The following XIRP2 variants were observed in gnomAD, a reference collection of about 807,000 sequenced individuals.
XIRP2 encodes xin actin binding repeat containing 2.
Under a neutral mutation model 277.0 loss-of-function variants are expected in XIRP2, and 236 were observed. That is an observed-to-expected ratio of 0.85 (90% CI 0.77 to 0.95). The LOEUF (loss-of-function observed/expected upper bound fraction) is 0.95, where lower values mean the gene tolerates loss of function less well. Among genes scored for constraint, XIRP2 ranks in the 40% least tolerant of loss-of-function variants. The probability of loss-of-function intolerance (pLI) is 0.00; values close to 1 mark genes in which losing one functional copy is unlikely to be tolerated. For synonymous variants in XIRP2, 1,490 were observed against 1,416.5 expected (o/e 1.05, Z -1.17); for missense variants, 4,640 against 4,157.5 (o/e 1.12, Z -3.19).
chr2:167,000,872 A>G lies in XIRP2; in HGVS notation c.408+96982A>G, dbSNP rs16852839. On this transcript the variant is annotated intron_variant, in intron 2 of 10. Transcript: ENST00000409195. ...ATCTTATTCAAATAATGGAAATAGT[A>G]AAGAATACAATGGATATAAGAAAGT... 6.1e-3 allele frequency among the ~76,000 whole-genome samples: 923 copies of G among 152,244 alleles called. 11 individuals carry two copies. Among genetic ancestry groups the G allele is most frequent in the African/African-American group, 0.021 (875 of 41,538 alleles).
rs1490404562 is a variant in XIRP2 at position 167,134,205 on chromosome 2, ATATT to A, written c.409-1703_409-1700del. 2.6e-5 allele frequency among the ~76,000 whole-genome samples: 4 copies of A among 151,244 alleles called. No homozygotes were observed. In the East Asian group the frequency reaches 7.7e-4, roughly 29 times the overall value. ...TGAATATATTCATATATATGAATAT[ATATT>A]CATGTATATTCATGTGTATATGTAT... On this transcript the variant is annotated intron_variant, in intron 2 of 10. Transcript: ENST00000409195.
chr2:167,149,062 G>C (rs1691941325), intron 3 of XIRP2, among the ~76,000 whole-genome samples: 2 of 152,066 alleles, frequency 1.3e-5, no homozygotes, highest in South Asian at 4.1e-4. Context: ...ACACATAGGA[G>C]TGAAAGGCTA....
chr2:166,940,097 AT>A (rs1294008167), intron 2 of XIRP2, among the ~76,000 whole-genome samples: 1 of 151,896 alleles, frequency 6.6e-6, no homozygotes, highest in Non-Finnish European at 1.5e-5. Flanking sequence ...TCAGACTTAG[AT>A]TTTTTCTTTC....
intron 2 of XIRP2, among the ~76,000 whole-genome samples, chr2:167,015,203 A>G (rs1012549361): frequency 3.3e-5 from 5 of 151,850 alleles, no homozygotes; most frequent in Non-Finnish European, 4.4e-5. Flanking sequence ...CTTATAATTG[A>G]TACTATGGCA....
At chr2:166,976,844 T>C (rs1252032278) in intron 2 of XIRP2, among the ~76,000 whole-genome samples, 1 of 152,206 alleles carries the variant, frequency 6.6e-6, no homozygotes, top group African/African-American at 2.4e-5. Context: ...GACTTAAGTT[T>C]CCATATGCTA....
At chr2:167,119,327 T>C (rs1447061366) in intron 2 of XIRP2, among the ~76,000 whole-genome samples, 2 of 152,212 alleles carry the variant, frequency 1.3e-5, no homozygotes, top group Admixed American at 6.5e-5. Context: ...ATTTGAAATA[T>C]AATTTTTTAA....
intron 3 of XIRP2, among the ~76,000 whole-genome samples, chr2:167,149,336 T>C (rs1691947255): frequency 1.3e-5 from 2 of 152,238 alleles, no homozygotes; most frequent in South Asian, 4.1e-4. Flanking sequence ...GTCCCATAGA[T>C]AAAGTTCCAG....
intron 2 of XIRP2, among the ~76,000 whole-genome samples, chr2:167,029,945 G>T (rs921372230): frequency 6.6e-6 from 1 of 152,096 alleles, no homozygotes; most frequent in African/African-American, 2.4e-5. Context: ...TCTTGGGAGT[G>T]TGTATGTGTC....
chr2:167,201,231 AAAGAAAG>A (rs1573953793), intron 3 of XIRP2, among the ~76,000 whole-genome samples: 1 of 109,954 alleles, frequency 9.1e-6, no homozygotes, highest in East Asian at 3.1e-4. Flanking sequence ...AGAAAGAAAG[AAAGAAAG>A]AAAGAAAGAA....
chr2:166,954,922 T>C (rs1057380700), intron 2 of XIRP2, among the ~76,000 whole-genome samples: 16 of 151,056 alleles, frequency 1.1e-4, no homozygotes, highest in African/African-American at 3.9e-4. Context: ...TGCAGGAGGG[T>C]AGGGAGGGGA....
chr2:167,151,704 C>T (rs16853071), intron 3 of XIRP2, among the ~76,000 whole-genome samples: 15,134 of 152,020 alleles, frequency 0.1, 816 homozygotes, highest in South Asian at 0.15. Context: ...GAAATGAAAA[C>T]GCTTGCTTCA....
intron 2 of XIRP2, among the ~76,000 whole-genome samples, chr2:167,081,519 T>A (rs1160436786): frequency 1.3e-5 from 2 of 152,164 alleles, no homozygotes; most frequent in Non-Finnish European, 2.9e-5. Context: ...ACATGATTAC[T>A]TTCATTAAGA....
chr2:167,068,765 A>G (rs555355689), intron 2 of XIRP2, among the ~76,000 whole-genome samples: 5 of 152,294 alleles, frequency 3.3e-5, no homozygotes, highest in East Asian at 1.9e-4. Flanking sequence ...CAGGGGTCGC[A>G]TGCAGCCCAG....
intron 2 of XIRP2, among the ~76,000 whole-genome samples, chr2:167,117,330 C>T (rs1690924770): frequency 6.6e-6 from 1 of 152,148 alleles, no homozygotes; most frequent in Non-Finnish European, 1.5e-5. Context: ...ATACAGTGCA[C>T]ACACACACAA....
chr2:167,095,949 C>T (rs1290902943), intron 2 of XIRP2, among the ~76,000 whole-genome samples: 2 of 135,696 alleles, frequency 1.5e-5, no homozygotes, highest in South Asian at 2.4e-4. Flanking sequence ...TCTTGGCTCA[C>T]TGCAAGCTGT....
At chr2:167,236,387 T>C (rs1694899849) in intron 5 of XIRP2, among the ~76,000 whole-genome samples, 2 of 152,088 alleles carry the variant, frequency 1.3e-5, no homozygotes. Context: ...AACTGCTTCC[T>C]GTGCAGGAGA....
intron 1 of XIRP2, among the ~76,000 whole-genome samples, chr2:166,899,322 G>T (rs1439079022): frequency 2.0e-5 from 3 of 151,972 alleles, no homozygotes; most frequent in African/African-American, 7.2e-5. Flanking sequence ...ATATAATTGT[G>T]TTGGTTAACT....
At position 167,251,237 on chromosome 2, in the gene XIRP2, A is replaced by G. The variant is rs190407445; in HGVS notation, c.9845A>G (p.His3282Arg). 1.2e-3 allele frequency: 1,976 copies of G among 1,613,618 alleles called. 4 individuals are homozygous for G. The highest frequency in any genetic ancestry group is 1.4e-3 in the Non-Finnish European group (1,615 of 1,179,712). ...VHKDGLNSTD[H>R]MVPDTESYDA... The stretch of plus-strand genomic sequence containing the variant: ...AAAGATGGACTAAATTCCACTGATC[A>G]CATGGTGCCCGACACTGAAAGTTAT... The change falls in exon 9 of 11, where the codon CAC (histidine) becomes CGC (arginine). Residue 3282 changes from histidine to arginine, a missense_variant. His to Arg is a conservative substitution (Grantham distance 29). Coordinates refer to ENST00000409195, the MANE Select transcript of XIRP2 (RefSeq NM_152381.6).
chr2:167,152,539 G>T (rs1453299151), intron 3 of XIRP2, among the ~76,000 whole-genome samples: 1 of 152,044 alleles, frequency 6.6e-6, no homozygotes, highest in East Asian at 1.9e-4. Context: ...GTCTTTTGTT[G>T]CAGGGGTCCC....
Sources: allele counts gnomAD v4.1 joint callset (sites outside exome capture counted in the v4.1 genomes callset), GRCh38; gene constraint gnomAD v4.1.1; transcripts MANE v1.5; gene names NCBI Gene and HGNC (gene_info 2026-07-23, HGNC 2026-07-21).